BRWD1: variants seen among roughly 807,000 people sequenced by gnomAD.
BRWD1 encodes bromodomain and WD repeat domain containing 1, also known as bromodomain and WD repeat-containing protein 1.
BRWD1 carries 82 observed loss-of-function variants against 251.2 expected under a neutral mutation model. The ratio of observed to expected loss-of-function variants is 0.33; its 90% CI spans 0.27 to 0.39. The LOEUF (loss-of-function observed/expected upper bound fraction) is 0.39, where lower values mean the gene tolerates loss of function less well. Ranked by LOEUF, BRWD1 falls within the 10% of genes least tolerant of loss-of-function variation. BRWD1 has a pLI of 1.00. For missense variants in BRWD1, 2,233 were observed against 2,711.6 expected, an observed-to-expected ratio of 0.82 and a Z score of 3.92; for synonymous variants, 918 against 902.8, an observed-to-expected ratio of 1.02 and a Z score of -0.30.
intron 13 of BRWD1, among the ~76,000 whole-genome samples, chr21:39,271,350 T>G (rs1295705303): frequency 6.6e-6 from 1 of 150,734 alleles, no homozygotes; most frequent in Non-Finnish European, 1.5e-5. Flanking sequence ...AACAGTGGGG[T>G]AGGGAAGGCC....
intron 4 of BRWD1, among the ~76,000 whole-genome samples, chr21:39,307,479 C>A (rs1441376394): frequency 6.6e-6 from 1 of 151,886 alleles, no homozygotes; most frequent in African/African-American, 2.4e-5. Flanking sequence ...GTATATATTG[C>A]ACATATTATA....
chr21:39,209,795 T>G (rs1568869036), intron 36 of BRWD1, 200 bp downstream of exon 36: 1 of 456,754 alleles, frequency 2.2e-6, no homozygotes, highest in Non-Finnish European at 3.7e-6. Context: ...AAACATCAAC[T>G]GATGAAAGGC....
At chr21:39,220,207 T>A (rs1204069909) in intron 29 of BRWD1, among the ~76,000 whole-genome samples, 1 of 152,070 alleles carries the variant, frequency 6.6e-6, no homozygotes, top group Non-Finnish European at 1.5e-5. Context: ...GGTATTCTGG[T>A]GAATACTGAT....
intron 8 of BRWD1, among the ~76,000 whole-genome samples, chr21:39,285,123 T>C (rs1053053180): frequency 6.6e-6 from 1 of 152,184 alleles, no homozygotes; most frequent in African/African-American, 2.4e-5. Flanking sequence ...TGTCCGTGTA[T>C]ACACACACAC....
intron 13 of BRWD1, among the ~76,000 whole-genome samples, chr21:39,273,269 G>A (rs764341423): frequency 2.6e-5 from 4 of 151,936 alleles, no homozygotes; most frequent in Admixed American, 6.6e-5. Context: ...ACTAATCAAG[G>A]ATTGACAGTA....
At position 39,196,225 on chromosome 21, in the gene BRWD1, A is replaced by C; in HGVS notation, c.*34T>G. On this transcript the variant is annotated 3_prime_UTR_variant, in exon 41 of 41. Coordinates refer to ENST00000342449, the MANE Select transcript of BRWD1 (RefSeq NM_033656.4). Reference sequence around the variant, plus strand: ...CAGCTTTCACCATAAATGCCAGTCCATTTCCTCTTAAATGAACTGGCTTTC... The same window carrying C: ...CAGCTTTCACCATAAATGCCAGTCCCTTTCCTCTTAAATGAACTGGCTTTC... 6.6e-7 allele frequency: 1 copy of C among 1,519,460 alleles called. No individual in the cohort carries two copies. Among genetic ancestry groups the C allele is most frequent in the Non-Finnish European group, 8.8e-7 (1 of 1,138,460 alleles). The allele number at this position is 1,519,460 out of a possible 1,614,324, so 94.1% of individuals were successfully genotyped here. A position where few individuals can be genotyped will look rare whatever the true frequency, so the allele number is the denominator to read the frequency against.
At position 39,196,055 on chromosome 21, in the gene BRWD1, T is replaced by G; in HGVS notation, c.*204A>C. On this transcript the variant is annotated 3_prime_UTR_variant, in exon 41 of 41. Coordinates refer to ENST00000342449, the MANE Select transcript of BRWD1 (RefSeq NM_033656.4). ...AGATCTGCCCCCAAAATGAAGCATA[T>G]TTTGGCACCTGTGCTGAATGCTGCT... The G allele has an allele frequency of 2.3e-6, 3 of 1,288,934 alleles. No individual in the cohort carries two copies. The highest frequency in any genetic ancestry group is 2.9e-6 in the Non-Finnish European group (3 of 1,020,468). The allele number at this position is 1,288,934 out of a possible 1,614,324, so 79.8% of individuals were successfully genotyped here.
intron 8 of BRWD1, among the ~76,000 whole-genome samples, chr21:39,291,110 AAAAAAC>A (rs1407764168): frequency 2.0e-5 from 3 of 152,306 alleles, no homozygotes; most frequent in East Asian, 1.9e-4. Flanking sequence ...GGCCAAAAAC[AAAAAAC>A]AAAAACAAAA....
chr21:39,274,529 C>G (rs1241511012), intron 12 of BRWD1, 57 bp from the exon 13 acceptor site: 7 of 1,298,886 alleles, frequency 5.4e-6, no homozygotes, highest in Non-Finnish European at 7.8e-6. Context: ...ACAAGGGCTA[C>G]AATTAAAATC....
Position 39,198,776 on chromosome 21 carries a change from G to C in BRWD1, c.5640C>G (p.Asn1880Lys). 1 of 1,586,370 alleles carries C rather than the reference G, an allele frequency of 6.3e-7. No individual in the cohort carries two copies. Among genetic ancestry groups the C allele is most frequent in the East Asian group, 2.2e-5 (1 of 44,584 alleles). ...GTTTTGAATTACCTTTCATAAAATT[G>C]TTTGGTTTTTCTATTTTGTCATCAT... is the stretch of plus-strand genomic sequence containing the variant. ...DSDDDKIEKP[N>K]NFMKDSASQD... Residue 1880 changes from asparagine to lysine, a missense_variant, in exon 40 of 41, where the codon AAC becomes AAG. Coordinates refer to ENST00000342449, the MANE Select transcript of BRWD1 (RefSeq NM_033656.4).
chr21:39,253,873 C>T (rs1191684220), intron 19 of BRWD1, among the ~76,000 whole-genome samples: 2 of 152,184 alleles, frequency 1.3e-5, no homozygotes, highest in Non-Finnish European at 2.9e-5. Flanking sequence ...CAAATCAGTA[C>T]ATTACAACTC....
chr21:39,266,237 T>G (rs965901917), intron 15 of BRWD1, among the ~76,000 whole-genome samples: 6 of 152,178 alleles, frequency 3.9e-5, no homozygotes, highest in African/African-American at 1.4e-4. Context: ...ATTCAGAGGA[T>G]TGCTGAATAA....
intron 19 of BRWD1, among the ~76,000 whole-genome samples, chr21:39,255,413 G>A (rs1249310832): frequency 9.1e-5 from 13 of 142,286 alleles, no homozygotes; most frequent in South Asian, 2.2e-4. Flanking sequence ...ACTCCGTCTC[G>A]AAAAAAAAAA....
intron 17 of BRWD1, among the ~76,000 whole-genome samples, chr21:39,261,776 A>G (rs1015130335): frequency 6.6e-6 from 1 of 152,166 alleles, no homozygotes; most frequent in African/African-American, 2.4e-5. Context: ...AAAGAAGAAA[A>G]AAAAAAGAAA....
intron 26 of BRWD1, 57 bp downstream of exon 26, chr21:39,229,255 A>G (rs1017730481): frequency 3.5e-6 from 5 of 1,447,838 alleles, no homozygotes; most frequent in African/African-American, 1.4e-5. Flanking sequence ...TAATCATTCA[A>G]TCAGCAAAAT....
At chr21:39,317,240 AATCCC>A (rs2036708379), upstream of BRWD1, 1 of 152,232 alleles carries the variant, frequency 6.6e-6, no homozygotes, top group Non-Finnish European at 1.5e-5. Flanking sequence ...CACACAATTC[AATCCC>A]AGCCATTCCA....
intron 4 of BRWD1, among the ~76,000 whole-genome samples, chr21:39,308,063 C>A (rs887530192): frequency 1.3e-5 from 2 of 152,054 alleles, no homozygotes; most frequent in Non-Finnish European, 2.9e-5. Flanking sequence ...TTTTTTTCTA[C>A]AGATGAGGTG....
At chr21:39,225,244 A>G (rs777297732) in intron 27 of BRWD1, 47 bp from the exon 28 acceptor site, 1 of 1,348,136 alleles carries the variant, frequency 7.4e-7, no homozygotes, top group Non-Finnish European at 1.1e-6. Flanking sequence ...GCTAACATTC[A>G]TTAACATTTT....
intron 4 of BRWD1, among the ~76,000 whole-genome samples, chr21:39,301,531 G>C (rs1362096193): frequency 6.6e-6 from 1 of 152,102 alleles, no homozygotes; most frequent in Non-Finnish European, 1.5e-5. Flanking sequence ...ACATGAGCTT[G>C]GAAGCCTATT....
Sources: allele counts gnomAD v4.1 joint callset (sites outside exome capture counted in the v4.1 genomes callset), GRCh38; gene constraint gnomAD v4.1.1; transcripts MANE v1.5; gene names NCBI Gene and HGNC (gene_info 2026-07-23, HGNC 2026-07-21).